Variants in RGS22 observed in about 807,000 individuals in gnomAD.
RGS22 encodes regulator of G protein signaling 22, also known as regulator of G-protein signaling 22.
A neutral mutation model predicts 172.9 loss-of-function variants in RGS22; 148 were observed. The observed-to-expected ratio is 0.86, with a 90% confidence interval of 0.75 to 0.98. The LOEUF (loss-of-function observed/expected upper bound fraction) is 0.98, where lower values mean the gene tolerates loss of function less well. RGS22 is among the 50% of genes least tolerant of loss of function. The pLI is 0.00. For synonymous variants in RGS22, 458 were observed against 480.2 expected (o/e 0.95, Z 0.60); for missense variants, 1,347 against 1,440.8 (o/e 0.93, Z 1.05).
intron 20 of RGS22, among the ~76,000 whole-genome samples, chr8:99,991,720 C>T (rs2131272209): frequency 6.6e-6 from 1 of 152,224 alleles, no homozygotes; most frequent in South Asian, 2.1e-4. Context: ...GAGAACTTCC[C>T]CAACCCAGTA....
Position 100,002,268 on chromosome 8 carries a change from GT to G in RGS22, c.2723del (p.Asn908ThrfsTer24), listed in dbSNP as rs1488642766. The G allele has an allele frequency of 1.2e-6, 2 of 1,610,450 alleles. No homozygotes were observed. The highest frequency in any genetic ancestry group is 1.1e-5 in the South Asian group (1 of 90,518). On this transcript the variant is annotated frameshift_variant, in exon 18 of 28. Coordinates refer to ENST00000360863, the MANE Select transcript of RGS22 (RefSeq NM_015668.5). LOFTEE classifies it high-confidence loss of function. ...QRKAKSIYIKNKYLNKKYFFG... is the reference protein window; with the variant it reads ...QRKAKSIYIKXKYLNKKYFFG... ...AGAAATATTTTTTATTAAGGTATTT[GT>G]TTTTAATGTATATAGATTTTGCCTT...
At chr8:100,050,727 T>A (rs1821190595) in intron 10 of RGS22, 2 of 152,174 alleles carry the variant, frequency 1.3e-5, no homozygotes, top group African/African-American at 4.8e-5. Context: ...TATAGTTAAC[T>A]TTTCTTCTCT....
At chr8:100,041,654 T>C (rs1157535624) in intron 12 of RGS22, 148 bp downstream of exon 12, 2 of 537,854 alleles carry the variant, frequency 3.7e-6, no homozygotes, top group Non-Finnish European at 6.6e-6. Context: ...GAAATATTTG[T>C]GTAAAAATCC....
Position 100,105,963 on chromosome 8 carries a change from AG to A in RGS22, c.-43del, listed in dbSNP as rs530470202. The A allele has an allele frequency of 3.2e-5, 45 of 1,409,286 alleles. No individual in the cohort carries two copies. The South Asian group carries it at 6.7e-4, about 21-fold the overall frequency. 87.3% of individuals were successfully genotyped at this position (1,409,286 alleles called of 1,614,324 possible). On this transcript the variant is annotated 5_prime_UTR_variant, in exon 1 of 28. Coordinates refer to ENST00000360863, the MANE Select transcript of RGS22 (RefSeq NM_015668.5). ...GCGCCTGGAGCCCGCGCGGGCCGTC[AG>A]GGCCCTAGCGCGCGGGTCCAGCGCG... is the stretch of plus-strand genomic sequence containing the variant.
intron 19 of RGS22, among the ~76,000 whole-genome samples, chr8:99,996,995 C>T (rs1814470408): frequency 6.6e-6 from 1 of 152,202 alleles, no homozygotes; most frequent in Non-Finnish European, 1.5e-5. Context: ...GTGCTATTGA[C>T]TCTATCTCCC....
At chr8:100,088,378 G>A (rs1191015365) in intron 3 of RGS22, among the ~76,000 whole-genome samples, 1 of 151,896 alleles carries the variant, frequency 6.6e-6, no homozygotes, top group East Asian at 1.9e-4. Flanking sequence ...CTAAATCTAC[G>A]TGGGCTCATC....
At chr8:99,980,997 G>A (rs1356753467) in intron 22 of RGS22, among the ~76,000 whole-genome samples, 2 of 152,096 alleles carry the variant, frequency 1.3e-5, no homozygotes, top group Admixed American at 1.3e-4. Flanking sequence ...GTTCCTTAGA[G>A]GACTTAGAAC....
chr8:100,039,888 A>G, intron 13 of RGS22, 74 bp downstream of exon 13: 2 of 838,452 alleles, frequency 2.4e-6, no homozygotes, highest in South Asian at 5.3e-5. Flanking sequence ...TTATGTGAGC[A>G]CTTAATTATT....
chr8:100,034,966 T>C (rs1819278506), intron 14 of RGS22, among the ~76,000 whole-genome samples: 1 of 152,102 alleles, frequency 6.6e-6, no homozygotes, highest in Non-Finnish European at 1.5e-5. Context: ...TCAAGATGGA[T>C]TAAAGACTTA....
In RGS22 at chr8:100,045,314, C is replaced by T. The variant is rs59910286; in HGVS notation, c.1823+2149G>A. ...TTAGGCTCTATATTCCTTCATTCAA[C>T]GAATATTAATTGAACACATACTATG... On this transcript the variant is annotated intron_variant, in intron 11 of 27. Coordinates refer to ENST00000360863, the MANE Select transcript of RGS22 (RefSeq NM_015668.5). Among the ~76,000 whole-genome samples the T allele has an allele frequency of 3.8e-3, 584 of 151,988 alleles. 3 individuals are homozygous for T. The highest frequency in any genetic ancestry group is 0.013 in the African/African-American group (547 of 41,472).
chr8:99,963,626 A>G (rs533092145), intron 24 of RGS22, among the ~76,000 whole-genome samples: 1 of 152,316 alleles, frequency 6.6e-6, no homozygotes, highest in Non-Finnish European at 1.5e-5. Flanking sequence ...AAAATCAACA[A>G]AAAATAATAC....
At chr8:100,053,407 A>G (rs978249446) in intron 9 of RGS22, among the ~76,000 whole-genome samples, 1 of 137,310 alleles carries the variant, frequency 7.3e-6, no homozygotes, top group African/African-American at 2.7e-5. Context: ...GGGCGACAAG[A>G]GCAAAACTCC....
At chr8:100,082,346 T>C (rs192461436) in intron 3 of RGS22, among the ~76,000 whole-genome samples, 5 of 152,220 alleles carry the variant, frequency 3.3e-5, no homozygotes, top group South Asian at 2.1e-4. Flanking sequence ...TAACACTCAA[T>C]AGGTAGTTTT....
rs144218160 is a variant in RGS22 at position 99,992,299 on chromosome 8, G to T, written c.3018+4163C>A. The stretch of plus-strand genomic sequence containing the variant: ...CTTAAATGTAAACAGGCTAAATGCC[G>T]CAATTAAAAGACACAAACTGGCAAA... On this transcript the variant is annotated intron_variant, in intron 20 of 27. Transcript: ENST00000360863. Among the ~76,000 whole-genome samples, 4 of 152,048 alleles carry T rather than the reference G, an allele frequency of 2.6e-5. No homozygotes were observed. The South Asian group carries it at 6.2e-4, about 24-fold the overall frequency.
At chr8:100,058,330 T>G (rs1809820438) in intron 9 of RGS22, among the ~76,000 whole-genome samples, 1 of 152,120 alleles carries the variant, frequency 6.6e-6, no homozygotes, top group Middle Eastern at 3.2e-3. Context: ...TAGAGAAAGA[T>G]ATCAATATCC....
In RGS22 at chr8:100,051,486, TATATAATATATAATAA is replaced by T. The variant is rs1348127660; in HGVS notation, c.1689+1300_1689+1315del. Among the ~76,000 whole-genome samples the T allele has an allele frequency of 4.7e-5, 4 of 84,880 alleles. 1 individual carries two copies. The highest frequency in any genetic ancestry group is 1.8e-4 in the African/African-American group (4 of 21,648). 55.7% of individuals were successfully genotyped at this position (84,880 alleles called of 152,430 possible). On this transcript the variant is annotated intron_variant, in intron 10 of 27. Coordinates refer to ENST00000360863, the MANE Select transcript of RGS22 (RefSeq NM_015668.5). ...TATAAATATATATTATATATATTTA[TATATAATATATAATAA>T]ATATATATAAATATATTTTTATATA... is the stretch of plus-strand genomic sequence containing the variant.
Position 100,080,340 on chromosome 8 carries a change from T to C in RGS22, c.133A>G (p.Ile45Val), listed in dbSNP as rs371278331. The C allele has an allele frequency of 2.5e-6, 4 of 1,610,716 alleles. No individual in the cohort carries two copies. The highest frequency in any genetic ancestry group is 2.2e-5 in the East Asian group (1 of 44,818). Residue 45 changes from isoleucine (I) to valine (V), a missense_variant, in exon 4 of 28, where the codon ATT (isoleucine) becomes GTT (valine). Transcript: ENST00000360863. ...FLSLPTFSEA[I>V]RFNADYGVFE... ...ACTCCATAATCTGCATTAAATCTAA[T>C]TGCCTCTGAAAAGGTCTGCAATATA... is the stretch of plus-strand genomic sequence containing the variant.
At chr8:100,005,611 C>T (rs181641579) in intron 16 of RGS22, among the ~76,000 whole-genome samples, 248 of 152,242 alleles carry the variant, frequency 1.6e-3, no homozygotes, top group African/African-American at 5.6e-3. Flanking sequence ...TCATTGTTTT[C>T]CCTATCGCTG....
chr8:100,012,978 A>ATTTTTTTT (rs35339430), intron 14 of RGS22, among the ~76,000 whole-genome samples: 2 of 88,744 alleles, frequency 2.3e-5, no homozygotes, highest in African/African-American at 4.4e-5. Context: ...AACGCCTTTG[A>ATTTTTTTT]TTTTTTTTTT....
Sources: allele counts gnomAD v4.1 joint callset (sites outside exome capture counted in the v4.1 genomes callset), GRCh38; gene constraint gnomAD v4.1.1; transcripts MANE v1.5; gene names NCBI Gene and HGNC (gene_info 2026-07-23, HGNC 2026-07-21).